CABCOCO1: variants seen among roughly 807,000 people sequenced by gnomAD.
The protein encoded by CABCOCO1 is ciliary associated calcium binding coiled-coil 1.
CABCOCO1 carries 28 observed loss-of-function variants against 35.7 expected under a neutral mutation model. The observed-to-expected ratio is 0.78, with a 90% CI of 0.58 to 1.07. The LOEUF (loss-of-function observed/expected upper bound fraction) is 1.07. CABCOCO1 is among the 50% of genes least tolerant of loss of function. The pLI, the probability that CABCOCO1 is intolerant of heterozygous loss-of-function variation, is 0.00. For synonymous variants in CABCOCO1, 95 were observed against 100.1 expected (o/e 0.95, Z 0.30); for missense variants, 326 against 309.2 (o/e 1.05, Z -0.41).
At chr10:61,761,069 T>C in intron 7 of CABCOCO1, 66 bp downstream of exon 7, 1 of 1,549,748 alleles carries the variant, frequency 6.5e-7, no homozygotes, top group Non-Finnish European at 8.8e-7. Flanking sequence ...TTAACTTTAA[T>C]GTCTATAAAC....
intron 5 of CABCOCO1, among the ~76,000 whole-genome samples, chr10:61,740,394 C>T (rs1841523976): frequency 6.6e-6 from 1 of 152,110 alleles, no homozygotes. Flanking sequence ...GAGGAGAAAC[C>T]AGGTTTGAAA....
intron 5 of CABCOCO1, among the ~76,000 whole-genome samples, chr10:61,735,231 G>C (rs1285098789): frequency 6.6e-6 from 1 of 152,044 alleles, no homozygotes. Context: ...AGTCAAAAGA[G>C]AATGTGTGGG....
At chr10:61,760,215 C>A (rs748762315) in intron 6 of CABCOCO1, 34 bp downstream of exon 6, 4 of 1,600,184 alleles carry the variant, frequency 2.5e-6, no homozygotes, top group Non-Finnish European at 3.4e-6. Context: ...TTCACCCTAC[C>A]TCATCATTAT....
At chr10:61,759,008 G>GT (rs1365435567) in intron 5 of CABCOCO1, among the ~76,000 whole-genome samples, 2 of 151,302 alleles carry the variant, frequency 1.3e-5, no homozygotes, top group African/African-American at 2.4e-5. Flanking sequence ...ATTTCATTGG[G>GT]TTTTTTTTCA....
intron 5 of CABCOCO1, among the ~76,000 whole-genome samples, chr10:61,738,470 T>C (rs1233269898): frequency 6.6e-6 from 1 of 152,200 alleles, no homozygotes; most frequent in East Asian, 1.9e-4. Context: ...AATATACCAA[T>C]ATCACTACTT....
intron 6 of CABCOCO1, among the ~76,000 whole-genome samples, chr10:61,760,494 C>T (rs10761593): frequency 0.16 from 25,010 of 151,884 alleles, 2,576 homozygotes; most frequent in East Asian, 0.55. Context: ...TCAAAATCTC[C>T]CCCCAGATTG....
At chr10:61,671,016 ACT>A (rs1288263349) in intron 1 of CABCOCO1, among the ~76,000 whole-genome samples, 2 of 151,942 alleles carry the variant, frequency 1.3e-5, no homozygotes, top group Non-Finnish European at 2.9e-5. Flanking sequence ...GTCTTCCAAC[ACT>A]CTATTTCTAT....
At chr10:61,707,186 C>G (rs973702607) in intron 5 of CABCOCO1, among the ~76,000 whole-genome samples, 1 of 152,040 alleles carries the variant, frequency 6.6e-6, no homozygotes, top group Non-Finnish European at 1.5e-5. Flanking sequence ...CACTGAGGAA[C>G]ATGACCGAGC....
At position 61,707,553 on chromosome 10, in the gene CABCOCO1, C is replaced by A. The variant is rs890583085; in HGVS notation, c.552+16932C>A. 2.6e-5 allele frequency among the ~76,000 whole-genome samples: 4 copies of A among 152,250 alleles called. 1 individual carries two copies. Among genetic ancestry groups the A allele is most frequent in the Admixed American group, 6.5e-5 (1 of 15,286 alleles). ...GGGAGGTTTTCATCATCACTGACCA[C>A]CCTAGTAGTGGCTATTCTCAGTAGG... On this transcript the variant is annotated intron_variant, in intron 5 of 7. Transcript: ENST00000648843.
chr10:61,742,950 C>T (rs1841581033), intron 5 of CABCOCO1, among the ~76,000 whole-genome samples: 1 of 152,186 alleles, frequency 6.6e-6, no homozygotes, highest in South Asian at 2.1e-4. Flanking sequence ...CAATTCTTTA[C>T]TGCACTATTT....
At chr10:61,706,052 A>T (rs548441126) in intron 5 of CABCOCO1, among the ~76,000 whole-genome samples, 1 of 152,204 alleles carries the variant, frequency 6.6e-6, no homozygotes. Flanking sequence ...AAAATAGAAC[A>T]CAGTTTGAAT....
At chr10:61,689,053 A>T (rs1161648208) in intron 4 of CABCOCO1, among the ~76,000 whole-genome samples, 7 of 152,174 alleles carry the variant, frequency 4.6e-5, no homozygotes, top group Non-Finnish European at 8.8e-5. Context: ...CAATTAAAAG[A>T]ATAAGGCTGA....
intron 2 of CABCOCO1, among the ~76,000 whole-genome samples, chr10:61,674,065 T>C (rs1839438314): frequency 1.3e-5 from 2 of 152,140 alleles, no homozygotes; most frequent in African/African-American, 2.4e-5. Context: ...TTATTTATAT[T>C]AAATGCCAAG....
chr10:61,748,462 C>A (rs543119419), intron 5 of CABCOCO1, among the ~76,000 whole-genome samples: 39 of 152,228 alleles, frequency 2.6e-4, no homozygotes, highest in Admixed American at 2.3e-3. Flanking sequence ...TTTCTACATG[C>A]CAGGCACTGT....
intron 4 of CABCOCO1, among the ~76,000 whole-genome samples, chr10:61,689,109 T>C (rs1840053957): frequency 6.6e-6 from 1 of 152,222 alleles, no homozygotes; most frequent in African/African-American, 2.4e-5. Flanking sequence ...CTAAGTTCTT[T>C]GTGTGATGCA....
At chr10:61,684,170 G>A (rs965468112) in intron 3 of CABCOCO1, among the ~76,000 whole-genome samples, 1 of 152,146 alleles carries the variant, frequency 6.6e-6, no homozygotes, top group African/African-American at 2.4e-5. Flanking sequence ...GGAAAACCTA[G>A]TTATCCAGAA....
At chr10:61,732,473 T>C (rs1298043971) in intron 5 of CABCOCO1, among the ~76,000 whole-genome samples, 1 of 120,120 alleles carries the variant, frequency 8.3e-6, no homozygotes, top group East Asian at 2.0e-4. Flanking sequence ...AATAGTTGAC[T>C]GTAAAGACAA....
intron 4 of CABCOCO1, among the ~76,000 whole-genome samples, chr10:61,686,449 T>G (rs1839967424): frequency 6.6e-6 from 1 of 152,178 alleles, no homozygotes; most frequent in African/African-American, 2.4e-5. Context: ...AAATATAATT[T>G]TATCTAGAAT....
chr10:61,715,604 G>C (rs1039632201), intron 5 of CABCOCO1, among the ~76,000 whole-genome samples: 2 of 152,148 alleles, frequency 1.3e-5, no homozygotes, highest in Non-Finnish European at 2.9e-5. Context: ...TTTCTTCATA[G>C]CATCGATGGT....
Sources: gnomAD v4.1 joint callset for allele counts (sites outside exome capture counted in the v4.1 genomes callset) on GRCh38, gnomAD v4.1.1 for gene constraint, MANE v1.5 for transcripts, NCBI Gene and HGNC (gene_info 2026-07-23, HGNC 2026-07-21) for gene names.